Variants in SLC5A12 observed in about 807,000 individuals in gnomAD.
The protein encoded by SLC5A12 is sodium-coupled monocarboxylate transporter 2.
SLC5A12 carries 46 observed loss-of-function variants against 72.7 expected under a neutral mutation model. The ratio of observed to expected loss-of-function variants is 0.63; its 90% CI spans 0.50 to 0.81. The LOEUF is 0.81. SLC5A12 is among the 30% of genes least tolerant of loss of function. The pLI, the probability that SLC5A12 is intolerant of heterozygous loss-of-function variation, is 0.00. For synonymous variants in SLC5A12, 275 were observed against 264.4 expected (o/e 1.04, Z -0.39); for missense variants, 683 against 740.7 (o/e 0.92, Z 0.90).
chr11:26,697,290 G>A (rs747842560), intron 7 of SLC5A12, 38 bp from the exon 8 acceptor site: 2 of 1,547,178 alleles, frequency 1.3e-6, no homozygotes, highest in Non-Finnish European at 1.8e-6. Flanking sequence ...TAAATAAAAA[G>A]AAGAAAGAAA....
chr11:26,709,333 A>C lies in SLC5A12; in HGVS notation c.504T>G (p.Val168=). ...LWGSVFATGI[V]CTFYCTLGGL... ...ATACCAGGGTACAGTAGAATGTGCA[A>C]ACAATTCCTGTTGCAAACACAGAGC... The change falls in exon 4 of 15, where the codon GTT becomes GTG. Residue 168 remains valine, a synonymous_variant. Transcript: ENST00000396005. 5.0e-6 allele frequency: 8 copies of C among 1,611,878 alleles called. No individual in the cohort carries two copies. The highest frequency in any genetic ancestry group is 6.8e-6 in the Non-Finnish European group (8 of 1,178,780).
chr11:26,695,875 C>G (rs971817509), intron 8 of SLC5A12, among the ~76,000 whole-genome samples: 1 of 152,158 alleles, frequency 6.6e-6, no homozygotes, highest in Non-Finnish European at 1.5e-5. Context: ...GCCTTAGGTG[C>G]CAGTGTTTCC....
At chr11:26,702,227 A>C (rs2133193122) in intron 6 of SLC5A12, among the ~76,000 whole-genome samples, 1 of 152,304 alleles carries the variant, frequency 6.6e-6, no homozygotes, top group Non-Finnish European at 1.5e-5. Flanking sequence ...TATTGAAATA[A>C]GATTTGAGTA....
intron 9 of SLC5A12, 181 bp downstream of exon 9, chr11:26,692,308 C>T: frequency 1.7e-6 from 1 of 583,714 alleles, no homozygotes; most frequent in Non-Finnish European, 3.1e-6. Context: ...ACTAGCTAGT[C>T]ATTCTTTCCT....
chr11:26,712,305 C>G (rs1855248077), intron 2 of SLC5A12, among the ~76,000 whole-genome samples: 1 of 149,944 alleles, frequency 6.7e-6, no homozygotes, highest in African/African-American at 2.4e-5. Flanking sequence ...AGTAAAAAAA[C>G]AAAAACAAAA....
chr11:26,705,581 C>A (rs1407930509), intron 4 of SLC5A12, among the ~76,000 whole-genome samples: 3 of 152,040 alleles, frequency 2.0e-5, no homozygotes, highest in African/African-American at 7.2e-5. Flanking sequence ...ATTAAAATAC[C>A]TGCCAAAGGC....
At chr11:26,693,631 C>G (rs1484100151) in intron 8 of SLC5A12, among the ~76,000 whole-genome samples, 9 of 152,032 alleles carry the variant, frequency 5.9e-5, no homozygotes, top group Non-Finnish European at 1.3e-4. Flanking sequence ...TGCAAAATCA[C>G]AACTATGAGA....
At chr11:26,694,116 G>A (rs952664187) in intron 8 of SLC5A12, among the ~76,000 whole-genome samples, 1 of 152,106 alleles carries the variant, frequency 6.6e-6, no homozygotes, top group African/African-American at 2.4e-5. Flanking sequence ...GGTTGCTTTG[G>A]CAGTCAGGTG....
chr11:26,686,582 G>A lies in SLC5A12; in HGVS notation c.1154-38C>T, dbSNP rs757589027. Reference sequence around the variant, plus strand: ...AAAATTACAATCATAATTTCCTGAGGGATTCCTGACTTCAAGGGATGCCTT... The same window carrying A: ...AAAATTACAATCATAATTTCCTGAGAGATTCCTGACTTCAAGGGATGCCTT... On this transcript the variant is annotated intron_variant, in intron 9 of 14. Transcript: ENST00000396005. 3 of 1,595,372 alleles carry A rather than the reference G, an allele frequency of 1.9e-6. No homozygotes were observed. In the South Asian group the frequency reaches 3.3e-5, roughly 18 times the overall value.
intron 9 of SLC5A12, chr11:26,691,934 C>T (rs1854685989): frequency 6.6e-6 from 1 of 152,090 alleles, no homozygotes; most frequent in Non-Finnish European, 1.5e-5. Context: ...AAGTGACTGG[C>T]CATAGTAAGC....
intron 9 of SLC5A12, 35 bp downstream of exon 9, chr11:26,692,454 T>C (rs774127556): frequency 7.2e-7 from 1 of 1,394,976 alleles, no homozygotes; most frequent in Non-Finnish European, 1.0e-6. Flanking sequence ...GTACATTTCA[T>C]GATATGGAAT....
intron 13 of SLC5A12, among the ~76,000 whole-genome samples, chr11:26,678,455 C>G (rs902512245): frequency 6.6e-6 from 1 of 152,054 alleles, no homozygotes; most frequent in Non-Finnish European, 1.5e-5. Flanking sequence ...TCTCAGCTCA[C>G]TGCAACCTCC....
At chr11:26,702,261 G>A (rs553608096) in intron 6 of SLC5A12, among the ~76,000 whole-genome samples, 53 of 152,094 alleles carry the variant, frequency 3.5e-4, no homozygotes, top group South Asian at 6.2e-4. Context: ...TTGATGGAAC[G>A]CCAGATAATG....
In SLC5A12 at chr11:26,681,036, A is replaced by G; in HGVS notation, c.1475+19T>C. The stretch of plus-strand genomic sequence containing the variant: ...GACCCACTCTCTGGGACTTAGCACC[A>G]TCTATAAAGTCAGCATACCTGCTGG... On this transcript the variant is annotated intron_variant, in intron 12 of 14. Coordinates refer to ENST00000396005, the MANE Select transcript of SLC5A12 (RefSeq NM_178498.4). The G allele has an allele frequency of 1.3e-6, 2 of 1,566,988 alleles. No homozygotes were observed. The highest frequency in any genetic ancestry group is 1.7e-6 in the Non-Finnish European group (2 of 1,156,768).
intron 9 of SLC5A12, chr11:26,691,789 A>G (rs1455650745): frequency 6.6e-6 from 1 of 152,248 alleles, no homozygotes; most frequent in East Asian, 1.9e-4. Flanking sequence ...ATTATCTCTG[A>G]TAAGTGCTGA....
Position 26,686,507 on chromosome 11 carries a change from C to A in SLC5A12, c.1191G>T (p.Val397=), listed in dbSNP as rs772174745. 1 of 1,613,956 alleles carries A rather than the reference C, an allele frequency of 6.2e-7. No individual in the cohort carries two copies. The highest frequency in any genetic ancestry group is 2.2e-5 in the East Asian group (1 of 44,860). ...CAACACCTCCCATGACAGATGCAGC[C>A]ACAGCCATAGAGGTACACATCACGC... ...LFGVMCTSMA[V]AASVMGGVVQ... The change falls in exon 10 of 15, where the codon GTG becomes GTT. Residue 397 remains valine (V), a synonymous_variant. Coordinates refer to ENST00000396005, the MANE Select transcript of SLC5A12 (RefSeq NM_178498.4).
intron 9 of SLC5A12, among the ~76,000 whole-genome samples, chr11:26,687,956 C>T (rs1319653836): frequency 6.6e-6 from 1 of 152,156 alleles, no homozygotes; most frequent in Non-Finnish European, 1.5e-5. Context: ...GCCCTATAAG[C>T]CTGAAGAACA....
At chr11:26,690,015 G>C (rs981713636) in intron 9 of SLC5A12, among the ~76,000 whole-genome samples, 2 of 152,104 alleles carry the variant, frequency 1.3e-5, no homozygotes. Flanking sequence ...AGTTGAAAGA[G>C]GAAGATGTGA....
At position 26,673,433 on chromosome 11, in the gene SLC5A12, C is replaced by T. The variant is rs1161667705; in HGVS notation, c.1676G>A (p.Cys559Tyr). The T allele has an allele frequency of 6.2e-7, 1 of 1,609,360 alleles. No homozygotes were observed. Among genetic ancestry groups the T allele is most frequent in the Non-Finnish European group, 8.5e-7 (1 of 1,177,788 alleles). The change falls in exon 14 of 15, where the codon TGT (cysteine) becomes TAT (tyrosine). Residue 559 changes from cysteine to tyrosine, a missense_variant. Physicochemically the swap from Cys to Tyr is radical, Grantham distance 194. Transcript: ENST00000396005. The stretch of plus-strand genomic sequence containing the variant: ...TGTCCCACTGTCATGCTGAACTCCA[C>T]ACCAGCATAGTGTTTTGTACTTCTT... ...WSKKYKTLCW[C>Y]GVQHDSGTEQ... is the part of the protein sequence containing the mutation.
Sources: allele counts gnomAD v4.1 joint callset (sites outside exome capture counted in the v4.1 genomes callset), GRCh38; gene constraint gnomAD v4.1.1; transcripts MANE v1.5; gene names NCBI Gene and HGNC (gene_info 2026-07-23, HGNC 2026-07-21).